The following IGSF21 variants were observed in gnomAD, a reference collection of about 807,000 sequenced individuals.
IGSF21 encodes the protein immunoglobin superfamily member 21, also known as immunoglobulin superfamily member 21.
Under a neutral mutation model 46.8 loss-of-function variants are expected in IGSF21, and 28 were observed. The ratio of observed to expected loss-of-function variants is 0.60; its 90% CI spans 0.44 to 0.82. The LOEUF is 0.82. Ranked by LOEUF, IGSF21 falls within the 40% of genes least tolerant of loss-of-function variation. The probability of loss-of-function intolerance (pLI) is 0.00; values close to 1 mark genes in which losing one functional copy is unlikely to be tolerated. For missense variants in IGSF21, 624 were observed against 665.5 expected (o/e 0.94, Z 0.69); for synonymous variants, 284 against 273.6 (o/e 1.04, Z -0.38).
chr1:18,314,443 A>T (rs978960573), intron 3 of IGSF21, among the ~76,000 whole-genome samples: 1 of 152,200 alleles, frequency 6.6e-6, no homozygotes, highest in Non-Finnish European at 1.5e-5. Context: ...AAGATGATTC[A>T]TGCCTAATTA....
At chr1:18,220,934 G>C (rs2084504406) in intron 1 of IGSF21, among the ~76,000 whole-genome samples, 1 of 152,154 alleles carries the variant, frequency 6.6e-6, no homozygotes, top group African/African-American at 2.4e-5. Context: ...CTGGGAGGAT[G>C]TGCAACTTTT....
chr1:18,365,586 C>T lies in IGSF21; in HGVS notation c.904C>T (p.Arg302Cys), dbSNP rs759051309. ...GAGCAGTGACGGCACTGTGGAAGTA[C>T]GTGCCCTGCTCACCTGGACCCTCAA... is the stretch of plus-strand genomic sequence containing the variant. ...TPSSDGTVEV[R>C]ALLTWTLNPQ... is the part of the protein sequence containing the mutation. Residue 302 changes from arginine to cysteine, a missense_variant, in exon 6 of 10, where the codon CGT becomes TGT. Coordinates refer to ENST00000251296, the MANE Select transcript of IGSF21 (RefSeq NM_032880.5). The surrounding 1 kb of genome is among the most constrained non-coding windows in gnomAD (Gnocchi z 4.8). The T allele has an allele frequency of 3.1e-6, 5 of 1,614,182 alleles. No individual in the cohort carries two copies. The highest frequency in any genetic ancestry group is 4.2e-6 in the Non-Finnish European group (5 of 1,180,032).
intron 1 of IGSF21, among the ~76,000 whole-genome samples, chr1:18,173,224 C>G (rs2086758662): frequency 6.6e-6 from 1 of 152,122 alleles, no homozygotes; most frequent in Non-Finnish European, 1.5e-5. Flanking sequence ...GGAGGCGGAG[C>G]TTGCAGTGAG....
intron 1 of IGSF21, among the ~76,000 whole-genome samples, chr1:18,122,612 C>T (rs1010709413): frequency 1.3e-5 from 2 of 149,396 alleles, no homozygotes; most frequent in South Asian, 2.1e-4. Context: ...TATTGACTGT[C>T]GATTTTTTTT....
intron 2 of IGSF21, among the ~76,000 whole-genome samples, chr1:18,284,286 GA>G (rs2085191554): frequency 6.6e-6 from 1 of 152,200 alleles, no homozygotes; most frequent in African/African-American, 2.4e-5. Context: ...AAGTGAACAG[GA>G]AGTCCGTTCC....
chr1:18,159,374 G>A (rs567406081), intron 1 of IGSF21, among the ~76,000 whole-genome samples: 12 of 152,244 alleles, frequency 7.9e-5, no homozygotes, highest in East Asian at 3.9e-4. Flanking sequence ...GCCTTCTCTC[G>A]GATTCACCTG....
chr1:18,161,267 T>C (rs772696210), intron 1 of IGSF21, among the ~76,000 whole-genome samples: 5 of 152,102 alleles, frequency 3.3e-5, no homozygotes, highest in Non-Finnish European at 7.4e-5. Context: ...ATTCACACAA[T>C]GCCTGCTGTA....
intron 2 of IGSF21, among the ~76,000 whole-genome samples, chr1:18,247,623 G>A (rs74791508): frequency 0.017 from 2,546 of 152,196 alleles, 71 homozygotes; most frequent in African/African-American, 0.057. Context: ...CCCCTGGATG[G>A]GGTATCGCAG....
chr1:18,276,806 C>T (rs577084480), intron 2 of IGSF21, among the ~76,000 whole-genome samples: 10 of 152,274 alleles, frequency 6.6e-5, no homozygotes, highest in Admixed American at 3.3e-4. Context: ...CCACCCTTCC[C>T]GCTGCCTGCC....
At chr1:18,336,050 C>T (rs914114396) in intron 4 of IGSF21, among the ~76,000 whole-genome samples, 1 of 152,172 alleles carries the variant, frequency 6.6e-6, no homozygotes, top group East Asian at 1.9e-4. Context: ...CAGTTTGCAC[C>T]ATCAAGGAAC....
chr1:18,374,772 C>T (rs182210890), intron 6 of IGSF21, among the ~76,000 whole-genome samples: 3 of 152,280 alleles, frequency 2.0e-5, no homozygotes, highest in Admixed American at 6.5e-5. Flanking sequence ...AAGAGCTTTG[C>T]GTCAGAAAGA....
intron 1 of IGSF21, among the ~76,000 whole-genome samples, chr1:18,131,884 G>A (rs1001591761): frequency 1.3e-5 from 2 of 152,214 alleles, no homozygotes; most frequent in South Asian, 4.1e-4. Context: ...GCATACAGGA[G>A]AGACTGGGAA....
Position 18,294,300 on chromosome 1 carries a change from T to C in IGSF21, c.305+2313T>C, listed in dbSNP as rs575133999. ...GTTTCCGGCCTCTAAGTGGTACATG[T>C]TTGCTGCCATTGCCTAGAACAACCT... On this transcript the variant is annotated intron_variant, in intron 3 of 9. Transcript: ENST00000251296. Among the ~76,000 whole-genome samples the C allele has an allele frequency of 1.2e-3, 186 of 152,286 alleles. 1 individual carries two copies. Among genetic ancestry groups the C allele is most frequent in the Non-Finnish European group, 6.9e-4 (47 of 68,030 alleles).
chr1:18,271,378 A>G (rs1051065708), intron 2 of IGSF21, among the ~76,000 whole-genome samples: 4 of 152,232 alleles, frequency 2.6e-5, no homozygotes, highest in Non-Finnish European at 5.9e-5. Flanking sequence ...GTTTTAACAC[A>G]GAAAGCCCCA....
At chr1:18,374,597 G>C (rs181413493) in intron 6 of IGSF21, among the ~76,000 whole-genome samples, 156 of 151,618 alleles carry the variant, frequency 1.0e-3, no homozygotes, top group Non-Finnish European at 1.1e-3. Context: ...CCCTCTCCTT[G>C]GTGCAAGCCC....
intron 1 of IGSF21, among the ~76,000 whole-genome samples, chr1:18,122,193 C>CTTTTTTTTTTTT (rs766563472): frequency 1.8e-4 from 14 of 78,750 alleles, no homozygotes; most frequent in African/African-American, 3.8e-4. Flanking sequence ...TTCTTTCTTT[C>CTTTTTTTTTTTT]TTTTTTTTTT....
chr1:18,170,252 G>T (rs1454165545), intron 1 of IGSF21, among the ~76,000 whole-genome samples: 1 of 152,108 alleles, frequency 6.6e-6, no homozygotes, highest in African/African-American at 2.4e-5. Flanking sequence ...CAGAAAGAGA[G>T]ATTCTTGGGA....
intron 3 of IGSF21, among the ~76,000 whole-genome samples, chr1:18,299,211 TGGC>T (rs539834505): frequency 2.3e-4 from 35 of 152,328 alleles, no homozygotes; most frequent in African/African-American, 7.2e-4. Flanking sequence ...GACCAAGTAG[TGGC>T]AAGACCACTC....
chr1:18,157,982 A>G (rs1282617657), intron 1 of IGSF21, among the ~76,000 whole-genome samples: 2 of 152,182 alleles, frequency 1.3e-5, no homozygotes, highest in Non-Finnish European at 2.9e-5. Context: ...CTCGAAAGGT[A>G]GAACGTGCAT....
Sources: allele counts gnomAD v4.1 joint callset (sites outside exome capture counted in the v4.1 genomes callset), GRCh38; gene constraint gnomAD v4.1.1; non-coding constraint Gnocchi (gnomAD v3.1); transcripts MANE v1.5; gene names NCBI Gene and HGNC (gene_info 2026-07-23, HGNC 2026-07-21).